QTRT2: variants seen among roughly 807,000 people sequenced by gnomAD.
The protein encoded by QTRT2 is queuine tRNA-ribosyltransferase accessory subunit 2, also known as queuine tRNA-ribosyltransferase domain containing 1.
QTRT2 carries 32 observed loss-of-function variants against 44.8 expected under a neutral mutation model. The ratio of observed to expected loss-of-function variants is 0.71; its 90% CI spans 0.54 to 0.96. QTRT2 has a LOEUF of 0.96. Among genes scored for constraint, QTRT2 ranks in the 40% least tolerant of loss-of-function variants. The probability of loss-of-function intolerance (pLI) is 0.00; values close to 1 mark genes in which losing one functional copy is unlikely to be tolerated. For missense variants in QTRT2, 461 were observed against 503.1 expected (o/e 0.92, Z 0.80); for synonymous variants, 182 against 187.4 (o/e 0.97, Z 0.24).
Position 114,085,723 on chromosome 3 carries a change from G to C in QTRT2, c.1067G>C (p.Cys356Ser). 2 of 1,614,176 alleles carry C rather than the reference G, an allele frequency of 1.2e-6. No homozygotes were observed. The highest frequency in any genetic ancestry group is 1.7e-6 in the Non-Finnish European group (2 of 1,180,026). ...PLVRGCSCYCCKNHTRAYIHH... is the reference protein window; with the variant it reads ...PLVRGCSCYCSKNHTRAYIHH... ...GTGAGAGGATGTTCCTGTTACTGCT[G>C]TAAGAATCACACTCGGGCATACATC... The change falls in exon 10 of 10, where the codon TGT (cysteine) becomes TCT (serine). Residue 356 changes from cysteine to serine, a missense_variant. By Grantham distance (112) the Cys-to-Ser change is moderately radical. Transcript: ENST00000281273.
intron 6 of QTRT2, among the ~76,000 whole-genome samples, chr3:114,071,827 A>T (rs901651703): frequency 2.6e-5 from 4 of 152,162 alleles, no homozygotes; most frequent in African/African-American, 9.7e-5. Flanking sequence ...TATCCAAAAG[A>T]TCTTTGTAAA....
At chr3:114,058,144 A>G (rs1160149861) in intron 2 of QTRT2, among the ~76,000 whole-genome samples, 3 of 152,244 alleles carry the variant, frequency 2.0e-5, no homozygotes, top group Non-Finnish European at 4.4e-5. Context: ...TATAAAGAAC[A>G]GTGCTTAATA....
In QTRT2 at chr3:114,080,010, G is replaced by A; in HGVS notation, c.851G>A (p.Cys284Tyr). Residue 284 changes from cysteine (C) to tyrosine (Y), a missense_variant, in exon 8 of 10, where the codon TGT becomes TAT. By Grantham distance (194) the Cys-to-Tyr change is radical. Transcript: ENST00000281273. ...CCTTATCAAGTAACAGAGCGGGGAT[G>A]TGCCCTGACTTTCAGTTTTGATTAC... is the stretch of plus-strand genomic sequence containing the variant. ...FFPYQVTERG[C>Y]ALTFSFDYQP... The A allele has an allele frequency of 1.2e-6, 2 of 1,613,100 alleles. No homozygotes were observed. The highest frequency in any genetic ancestry group is 2.2e-5 in the East Asian group (1 of 44,856).
chr3:114,068,367 C>T (rs546180718), intron 5 of QTRT2: 3 of 285,668 alleles, frequency 1.1e-5, no homozygotes, highest in Non-Finnish European at 2.1e-5. Flanking sequence ...GATAGTCTTT[C>T]GGCGCCATGC....
chr3:114,069,444 G>A (rs9829646), intron 5 of QTRT2, among the ~76,000 whole-genome samples: 14,837 of 151,988 alleles, frequency 0.098, 802 homozygotes, highest in East Asian at 0.15. Flanking sequence ...CCTTCTTTGT[G>A]TCCATGTGTT....
At chr3:114,065,794 TTC>T (rs200699545) in intron 3 of QTRT2, among the ~76,000 whole-genome samples, 2,954 of 152,316 alleles carry the variant, frequency 0.019, 86 homozygotes, top group East Asian at 0.079. Context: ...TCAAAGTTTT[TTC>T]TGCCTTTGCA....
intron 7 of QTRT2, 57 bp from the exon 8 acceptor site, chr3:114,079,849 T>C: frequency 1.9e-6 from 3 of 1,547,036 alleles, no homozygotes; most frequent in South Asian, 1.1e-5. Flanking sequence ...AAAAGGACTT[T>C]CTGATTTCCT....
chr3:114,083,592 A>G (rs1036355750), intron 9 of QTRT2, among the ~76,000 whole-genome samples: 6 of 152,142 alleles, frequency 3.9e-5, no homozygotes, highest in Non-Finnish European at 8.8e-5. Context: ...AGTCTGATGC[A>G]CTCACTTTAG....
At chr3:114,060,827 A>G (rs1243026531) in intron 2 of QTRT2, among the ~76,000 whole-genome samples, 3 of 152,266 alleles carry the variant, frequency 2.0e-5, no homozygotes, top group Admixed American at 6.5e-5. Context: ...AGTCGTAAGT[A>G]AAATAAGGGT....
At chr3:114,059,391 T>A (rs908636482) in intron 2 of QTRT2, among the ~76,000 whole-genome samples, 1 of 152,224 alleles carries the variant, frequency 6.6e-6, no homozygotes, top group Non-Finnish European at 1.5e-5. Flanking sequence ...TTTCTTGAAC[T>A]TTCCTTGGCA....
chr3:114,086,681 A>G lies in QTRT2; in HGVS notation c.*777A>G, dbSNP rs757870989. 1 of 152,358 alleles carries G rather than the reference A, an allele frequency of 6.6e-6. No individual in the cohort carries two copies. Among genetic ancestry groups the G allele is most frequent in the African/African-American group, 2.4e-5 (1 of 41,440 alleles). The allele number at this position is 152,358 out of a possible 1,614,324, so 9.4% of individuals were successfully genotyped here. On this transcript the variant is annotated 3_prime_UTR_variant, in exon 10 of 10. Transcript: ENST00000281273. Reference sequence around the variant, plus strand: ...CTAACTACGTAATAACTGAAGACCTATCTCTTGTGAAGATTCATTCTCAAT... The same window carrying G: ...CTAACTACGTAATAACTGAAGACCTGTCTCTTGTGAAGATTCATTCTCAAT...
chr3:114,074,035 A>G (rs951261900), intron 6 of QTRT2, among the ~76,000 whole-genome samples: 1 of 152,150 alleles, frequency 6.6e-6, no homozygotes, highest in South Asian at 2.1e-4. Flanking sequence ...GGGATGGCGA[A>G]TGGTTTCAAC....
chr3:114,060,913 A>G (rs2076878906), intron 2 of QTRT2, among the ~76,000 whole-genome samples: 1 of 152,208 alleles, frequency 6.6e-6, no homozygotes, highest in Non-Finnish European at 1.5e-5. Context: ...CTAAGGGGCG[A>G]GTGGCGTCTA....
chr3:114,060,503 GATAGATAGA>G (rs1559946085), intron 2 of QTRT2, among the ~76,000 whole-genome samples: 185 of 72,580 alleles, frequency 2.5e-3, no homozygotes, highest in African/African-American at 6.5e-3. Context: ...TAGGTAGATA[GATAGATAGA>G]TAGATAGATA....
Position 114,086,013 on chromosome 3 carries a change from A to G in QTRT2, c.*109A>G, listed in dbSNP as rs543519245. ...GAGCTTTAATTATTTATATTTGGAT[A>G]TAAGGTCTGCTTAAATAAAGAATCT... On this transcript the variant is annotated 3_prime_UTR_variant, in exon 10 of 10. Transcript: ENST00000281273. The G allele has an allele frequency of 3.5e-5, 31 of 878,586 alleles. 1 individual carries two copies. In the South Asian group the frequency reaches 4.5e-4, roughly 13 times the overall value. 54.4% of individuals were successfully genotyped at this position (878,586 alleles called of 1,614,324 possible).
intron 7 of QTRT2, 176 bp from the exon 8 acceptor site, chr3:114,079,730 G>A (rs2077140493): frequency 2.0e-6 from 1 of 495,308 alleles, no homozygotes; most frequent in Non-Finnish European, 3.6e-6. Context: ...CAGTTTTTCT[G>A]GCTCCAAAGC....
chr3:114,059,489 G>A (rs528460424), intron 2 of QTRT2, among the ~76,000 whole-genome samples: 2 of 152,216 alleles, frequency 1.3e-5, no homozygotes, highest in South Asian at 4.2e-4. Context: ...TTACTTCATA[G>A]TAACAATTTA....
At chr3:114,071,237 CT>C (rs1482706842) in intron 6 of QTRT2, among the ~76,000 whole-genome samples, 2 of 152,140 alleles carry the variant, frequency 1.3e-5, no homozygotes, top group Non-Finnish European at 2.9e-5. Context: ...CCTGTTCTTG[CT>C]TTTGCTCTTC....
intron 8 of QTRT2, among the ~76,000 whole-genome samples, chr3:114,081,270 G>C (rs575565587): frequency 6.6e-6 from 1 of 152,304 alleles, no homozygotes; most frequent in South Asian, 2.1e-4. Context: ...TCCTTTGCCA[G>C]TTACATAGTG....
Sources: gnomAD v4.1 joint callset for allele counts (sites outside exome capture counted in the v4.1 genomes callset) on GRCh38, gnomAD v4.1.1 for gene constraint, MANE v1.5 for transcripts, NCBI Gene and HGNC (gene_info 2026-07-23, HGNC 2026-07-21) for gene names.